The following HAPLN4 variants were observed in gnomAD, a reference collection of about 807,000 sequenced individuals.
HAPLN4 encodes hyaluronan and proteoglycan link protein 4, also known as brain link protein 2.
Under a neutral mutation model 28.0 loss-of-function variants are expected in HAPLN4, and 19 were observed. The observed-to-expected ratio is 0.68, with a 90% confidence interval of 0.47 to 1.00. HAPLN4 has a LOEUF of 1.00. HAPLN4 is among the 50% of genes least tolerant of loss of function. HAPLN4 has a pLI of 0.00. For synonymous variants in HAPLN4, 274 were observed against 273.0 expected (o/e 1.00, Z -0.03); for missense variants, 587 against 602.6 (o/e 0.97, Z 0.27).
rs898194524 is a variant in HAPLN4, at chr19:19,261,367, G to A, written c.121+79C>T. On this transcript the variant is annotated intron_variant, in intron 2 of 4. Transcript: ENST00000291481. ...TGGGGGAACCGCGGACGTCAGGAACGCCCTACCCGCTACCCCTCTCCGCAC... is the reference window on the plus strand; with the variant it reads ...TGGGGGAACCGCGGACGTCAGGAACACCCTACCCGCTACCCCTCTCCGCAC... The A allele has an allele frequency of 2.2e-6, 3 of 1,368,842 alleles. No individual in the cohort carries two copies. In the East Asian group the frequency reaches 6.9e-5, roughly 31 times the overall value. The allele number at this position is 1,368,842 out of a possible 1,614,324, so 84.8% of individuals were successfully genotyped here.
At chr19:19,262,526 G>C (rs1186191022) in intron 1 of HAPLN4, among the ~76,000 whole-genome samples, 1 of 150,794 alleles carries the variant, frequency 6.6e-6, no homozygotes, top group Non-Finnish European at 1.5e-5. Context: ...AAGGCAGAGA[G>C]GATGACAGAG....
Position 19,258,834 on chromosome 19 carries a change from G to T in HAPLN4, c.506C>A (p.Pro169His). 6.4e-7 allele frequency: 1 copy of T among 1,570,436 alleles called. No individual in the cohort carries two copies. Among genetic ancestry groups the T allele is most frequent in the Non-Finnish European group, 8.6e-7 (1 of 1,157,110 alleles). ...DLEGVVFPYH[P>H]RGGRYKLTFA... Reference sequence around the variant, plus strand: ...GGTCAGCTTGTATCGGCCTCCACGGGGGTGGTAGGGAAAGACCACGCCTGG... The same window carrying T: ...GGTCAGCTTGTATCGGCCTCCACGGTGGTGGTAGGGAAAGACCACGCCTGG... The change falls in exon 4 of 5, where the codon CCC becomes CAC. Residue 169 changes from proline to histidine, a missense_variant. Physicochemically the swap from Pro to His is moderately conservative, Grantham distance 77. Transcript: ENST00000291481. The surrounding 1 kb of genome is among the most constrained non-coding windows in gnomAD (Gnocchi z 6.2).
Position 19,258,793 on chromosome 19 carries a change from G to T in HAPLN4, c.547C>A (p.Arg183Ser). ...ATGCCGTCCTGCTCGGCGCACGCGC[G>T]CTGCGCCTCCGCGAAGGTCAGCTTG... ...RYKLTFAEAQ[R>S]ACAEQDGILA... Residue 183 changes from arginine (R) to serine (S), a missense_variant, in exon 4 of 5, where the codon CGC becomes AGC. Coordinates refer to ENST00000291481, the MANE Select transcript of HAPLN4 (RefSeq NM_023002.3). This position sits in a 1 kb window ranked among gnomAD's most constrained non-coding sequence, Gnocchi z 6.2. The T allele has an allele frequency of 6.3e-7, 1 of 1,597,062 alleles. No individual in the cohort carries two copies. The highest frequency in any genetic ancestry group is 8.5e-7 in the Non-Finnish European group (1 of 1,172,966).
chr19:19,261,226 G>A (rs758340952), intron 2 of HAPLN4, 51 bp from the exon 3 acceptor site: 1 of 1,547,954 alleles, frequency 6.5e-7, no homozygotes. Context: ...GCAGAAGGGG[G>A]CCTCTGGGGA....
At chr19:19,261,384 T>G in intron 2 of HAPLN4, 62 bp downstream of exon 2, 1 of 1,460,366 alleles carries the variant, frequency 6.8e-7, no homozygotes, top group Non-Finnish European at 9.6e-7. Flanking sequence ...CCGCTACCCC[T>G]CTCCGCACTT....
In HAPLN4 at chr19:19,258,497, C is replaced by T. The variant is rs1388791803; in HGVS notation, c.817+26G>A. 5 of 1,605,056 alleles carry T rather than the reference C, an allele frequency of 3.1e-6. No individual in the cohort carries two copies. Among genetic ancestry groups the T allele is most frequent in the African/African-American group, 2.7e-5 (2 of 74,886 alleles). On this transcript the variant is annotated intron_variant, in intron 4 of 4. Coordinates refer to ENST00000291481, the MANE Select transcript of HAPLN4 (RefSeq NM_023002.3). The surrounding 1 kb of genome is among the most constrained non-coding windows in gnomAD (Gnocchi z 6.2). ...GGTTGGGGTAGTGTTGCAGCAGAGGCCAGTCTTGGGGTGAGGCCTACGCAC... is the reference window on the plus strand; with the variant it reads ...GGTTGGGGTAGTGTTGCAGCAGAGGTCAGTCTTGGGGTGAGGCCTACGCAC...
Position 19,258,853 on chromosome 19 carries a change from C to T in HAPLN4, c.487G>A (p.Val163Met). The change falls in exon 4 of 5, where the codon GTG (valine) becomes ATG (methionine). Residue 163 changes from valine (V) to methionine (M), a missense_variant and splice_region_variant. Val to Met is a conservative substitution (Grantham distance 21, BLOSUM62 1). Transcript: ENST00000291481. This position sits in a 1 kb window ranked among gnomAD's most constrained non-coding sequence, Gnocchi z 6.2. ...AGMVKLDLEG[V>M]VFPYHPRGGR... ...CCACGGGGGTGGTAGGGAAAGACCA[C>T]GCCTGGCGGGGGGCGCACGGGATCA... 1 of 1,549,166 alleles carries T rather than the reference C, an allele frequency of 6.5e-7. No individual in the cohort carries two copies. The highest frequency in any genetic ancestry group is 1.4e-5 in the African/African-American group (1 of 73,484).
rs781080608 is a variant in HAPLN4, at chr19:19,258,477, G to A, written c.817+46C>T. On this transcript the variant is annotated intron_variant, in intron 4 of 4. Coordinates refer to ENST00000291481, the MANE Select transcript of HAPLN4 (RefSeq NM_023002.3). The surrounding 1 kb of genome is among the most constrained non-coding windows in gnomAD (Gnocchi z 6.2). ...GGTGGGGAAGAAGGCCCCGGGGTTGGGGTAGTGTTGCAGCAGAGGCCAGTC... is the reference window on the plus strand; with the variant it reads ...GGTGGGGAAGAAGGCCCCGGGGTTGAGGTAGTGTTGCAGCAGAGGCCAGTC... 4.5e-6 allele frequency: 7 copies of A among 1,572,666 alleles called. No homozygotes were observed. In the Admixed American group the frequency reaches 8.4e-5, roughly 19 times the overall value.
In HAPLN4 at chr19:19,258,314, C is replaced by T. The variant is rs2060972791; in HGVS notation, c.818-106G>A. The T allele has an allele frequency of 7.9e-7, 1 of 1,271,592 alleles. No individual in the cohort carries two copies. The highest frequency in any genetic ancestry group is 1.1e-6 in the Non-Finnish European group (1 of 948,124). The allele number at this position is 1,271,592 out of a possible 1,614,324, so 78.8% of individuals were successfully genotyped here. A position where few individuals can be genotyped will look rare whatever the true frequency, so the allele number is the denominator to read the frequency against. The stretch of plus-strand genomic sequence containing the variant: ...ATGCAGCCTAGGACTCTGGCCTCGG[C>T]CCCGGGATCCAGGAACAGTTCCTCC... On this transcript the variant is annotated intron_variant, in intron 4 of 4. Coordinates refer to ENST00000291481, the MANE Select transcript of HAPLN4 (RefSeq NM_023002.3). The surrounding 1 kb of genome is among the most constrained non-coding windows in gnomAD (Gnocchi z 6.2).
chr19:19,257,864 C>A lies in HAPLN4; in HGVS notation c.1162G>T (p.Ala388Ser). The change falls in exon 5 of 5, where the codon GCA (alanine) becomes TCA (serine). Residue 388 changes from alanine to serine, a missense_variant. Transcript: ENST00000291481. ...GCAGCAGGATCGCGCGCGCCCCCTG[C>A]CCAGCCGCCGCCGCCCGCCCAGCCC... ...GWGWAGGGGW[A>S]GGARDPAAWT... is the part of the protein sequence containing the mutation. 7.0e-7 allele frequency: 1 copy of A among 1,435,160 alleles called. No homozygotes were observed. The highest frequency in any genetic ancestry group is 9.0e-7 in the Non-Finnish European group (1 of 1,105,528). The allele number at this position is 1,435,160 out of a possible 1,614,324, so 88.9% of individuals were successfully genotyped here. A position where few individuals can be genotyped will look rare whatever the true frequency, so the allele number is the denominator to read the frequency against.
chr19:19,258,025 T>C lies in HAPLN4; in HGVS notation c.1001A>G (p.Asn334Ser). ...GCGGCCTCCGCAGCGCGCTCGCGGG[T>C]TCACGATGGGGTAGCGCGCACTGCC... is the stretch of plus-strand genomic sequence containing the variant. Reference protein sequence around the residue: ...ADGSARYPIVNPRARCGGRRP... With the variant: ...ADGSARYPIVSPRARCGGRRP... The change falls in exon 5 of 5, where the codon AAC becomes AGC. Residue 334 changes from asparagine (N) to serine (S), a missense_variant. By Grantham distance (46) the Asn-to-Ser change is conservative (BLOSUM62 1). Coordinates refer to ENST00000291481, the MANE Select transcript of HAPLN4 (RefSeq NM_023002.3). This position sits in a 1 kb window ranked among gnomAD's most constrained non-coding sequence, Gnocchi z 6.2. 6.5e-7 allele frequency: 1 copy of C among 1,526,722 alleles called. No individual in the cohort carries two copies. Among genetic ancestry groups the C allele is most frequent in the African/African-American group, 1.4e-5 (1 of 71,264 alleles). The allele number at this position is 1,526,722 out of a possible 1,614,324, so 94.6% of individuals were successfully genotyped here.
At position 19,255,522 on chromosome 19, in the gene HAPLN4, G is replaced by A. The variant is rs1449798994; in HGVS notation, c.*2295C>T. ...ATTGCACGACTGCACTCCAGCCTGGGCGACAGGGCAGGACTCCATCTCAAA... is the reference window on the plus strand; with the variant it reads ...ATTGCACGACTGCACTCCAGCCTGGACGACAGGGCAGGACTCCATCTCAAA... On this transcript the variant is annotated 3_prime_UTR_variant, in exon 5 of 5. Coordinates refer to ENST00000291481, the MANE Select transcript of HAPLN4 (RefSeq NM_023002.3). 4 of 152,142 alleles carry A rather than the reference G, an allele frequency of 2.6e-5. No individual in the cohort carries two copies. The highest frequency in any genetic ancestry group is 5.9e-5 in the Non-Finnish European group (4 of 68,092). 9.4% of individuals were successfully genotyped at this position (152,142 alleles called of 1,614,324 possible).
Position 19,258,045 on chromosome 19 carries a change from A to C in HAPLN4, c.981T>G (p.Ser327Arg), listed in dbSNP as rs766199101. 12 of 1,547,356 alleles carry C rather than the reference A, an allele frequency of 7.8e-6. No homozygotes were observed. In the Admixed American group the frequency reaches 1.7e-4, roughly 22 times the overall value. The change falls in exon 5 of 5, where the codon AGT becomes AGG. Residue 327 changes from serine (S) to arginine (R), a missense_variant. Coordinates refer to ENST00000291481, the MANE Select transcript of HAPLN4 (RefSeq NM_023002.3). The surrounding 1 kb of genome is among the most constrained non-coding windows in gnomAD (Gnocchi z 6.2). ...RCTAGWLADGSARYPIVNPRA... is the reference protein window; with the variant it reads ...RCTAGWLADGRARYPIVNPRA... ...GCGGGTTCACGATGGGGTAGCGCGC[A>C]CTGCCATCGGCCAGCCAACCCGCGG...
rs538141439 is a variant in HAPLN4, at chr19:19,256,083, A to G, written c.*1734T>C. On this transcript the variant is annotated 3_prime_UTR_variant, in exon 5 of 5. Coordinates refer to ENST00000291481, the MANE Select transcript of HAPLN4 (RefSeq NM_023002.3). ...CCCTCCTGGATCTCTAAGGAGGGAA[A>G]TGTGGGTGGGGGTCAGGGAAGGAGA... 3.9e-5 allele frequency: 6 copies of G among 152,410 alleles called. No homozygotes were observed. The highest frequency in any genetic ancestry group is 5.9e-5 in the Non-Finnish European group (4 of 68,066). 9.4% of individuals were successfully genotyped at this position (152,410 alleles called of 1,614,324 possible). A position where few individuals can be genotyped will look rare whatever the true frequency, so the allele number is the denominator to read the frequency against.
intron 3 of HAPLN4, among the ~76,000 whole-genome samples, chr19:19,260,168 C>T (rs1337823047): frequency 1.3e-5 from 2 of 152,152 alleles, no homozygotes; most frequent in African/African-American, 4.8e-5. Context: ...TCAGTGTCCT[C>T]ATTGTGGACA....
rs925754908 is a variant in HAPLN4 at position 19,257,167 on chromosome 19, G to A, written c.*650C>T. 1 of 152,126 alleles carries A rather than the reference G, an allele frequency of 6.6e-6. No homozygotes were observed. The highest frequency in any genetic ancestry group is 2.4e-5 in the African/African-American group (1 of 41,374). 9.4% of individuals were successfully genotyped at this position (152,126 alleles called of 1,614,324 possible). ...GGTGCTCGCCCATGAAACTAGAGGG[G>A]TGTGCCCTGTTACCCAGAAACTGCA... On this transcript the variant is annotated 3_prime_UTR_variant, in exon 5 of 5. Transcript: ENST00000291481.
Position 19,257,908 on chromosome 19 carries a change from G to C in HAPLN4, c.1118C>G (p.Ala373Gly), listed in dbSNP as rs753334527. 1.3e-6 allele frequency: 2 copies of C among 1,499,798 alleles called. No individual in the cohort carries two copies. The highest frequency in any genetic ancestry group is 2.5e-5 in the South Asian group (2 of 80,190). The allele number at this position is 1,499,798 out of a possible 1,614,324, so 92.9% of individuals were successfully genotyped here. A position where few individuals can be genotyped will look rare whatever the true frequency, so the allele number is the denominator to read the frequency against. ...CYRAPGAPDP[A>G]PGGWGWGWAG... ...CCAGCCCCAGCCCCAGCCGCCAGGT[G>C]CCGGGTCCGGTGCTCCTGGAGCGCG... is the stretch of plus-strand genomic sequence containing the variant. Residue 373 changes from alanine to glycine, a missense_variant, in exon 5 of 5, where the codon GCA becomes GGA. Transcript: ENST00000291481.
Position 19,261,535 on chromosome 19 carries a change from C to T in HAPLN4, c.32G>A (p.Gly11Asp). Residue 11 changes from glycine to aspartate, a missense_variant, in exon 2 of 5, where the codon GGC becomes GAC. Physicochemically the swap from Gly to Asp is moderately conservative, Grantham distance 94. Transcript: ENST00000291481. MVCARAALGP[G>D]ALWAAAWGVL... ...GCCCCAGGCCGCGGCCCAGAGCGCG[C>T]CGGGACCGAGGGCCGCCCGAGCGCA... 6.3e-7 allele frequency: 1 copy of T among 1,593,956 alleles called. No homozygotes were observed.
At position 19,257,924 on chromosome 19, in the gene HAPLN4, C is replaced by T; in HGVS notation, c.1102G>A (p.Gly368Arg). ...CCGCCAGGTGCCGGGTCCGGTGCTC[C>T]TGGAGCGCGGTAGCAGTAGACGCCG... ...LFGVYCYRAPGAPDPAPGGWG... is the reference protein window; with the variant it reads ...LFGVYCYRAPRAPDPAPGGWG... The change falls in exon 5 of 5, where the codon GGA (glycine) becomes AGA (arginine). Residue 368 changes from glycine to arginine, a missense_variant. Transcript: ENST00000291481. 6.6e-7 allele frequency: 1 copy of T among 1,508,800 alleles called. No individual in the cohort carries two copies. The highest frequency in any genetic ancestry group is 8.8e-7 in the Non-Finnish European group (1 of 1,135,678). 93.5% of individuals were successfully genotyped at this position (1,508,800 alleles called of 1,614,324 possible).
Sources: allele counts gnomAD v4.1 joint callset (sites outside exome capture counted in the v4.1 genomes callset), GRCh38; gene constraint gnomAD v4.1.1; non-coding constraint Gnocchi (gnomAD v3.1); transcripts MANE v1.5; gene names NCBI Gene and HGNC (gene_info 2026-07-23, HGNC 2026-07-21).